Variants in SS18L1 observed in about 807,000 individuals in gnomAD.
SS18L1 encodes calcium-responsive transactivator.
A neutral mutation model predicts 70.3 loss-of-function variants in SS18L1; 32 were observed. That is an observed-to-expected ratio of 0.46 (90% CI 0.34 to 0.61). The LOEUF (loss-of-function observed/expected upper bound fraction) is 0.61. Ranked by LOEUF, SS18L1 falls within the 20% of genes least tolerant of loss-of-function variation. The pLI is 0.01. For synonymous variants in SS18L1, 237 were observed against 229.7 expected (o/e 1.03, Z -0.29); for missense variants, 430 against 542.1 (o/e 0.79, Z 2.05).
At position 62,165,529 on chromosome 20, in the gene SS18L1, TGCGTGCTGGGCTCGA is replaced by T. The variant is rs540023118; in HGVS notation, c.916+20_916+34del. 1 of 1,292,156 alleles carries T rather than the reference TGCGTGCTGGGCTCGA, an allele frequency of 7.7e-7. No individual in the cohort carries two copies. The highest frequency in any genetic ancestry group is 1.0e-6 in the Non-Finnish European group (1 of 971,218). 80.0% of individuals were successfully genotyped at this position (1,292,156 alleles called of 1,614,324 possible). On this transcript the variant is annotated intron_variant, in intron 8 of 10. Coordinates refer to ENST00000331758, the MANE Select transcript of SS18L1 (RefSeq NM_198935.3). The stretch of plus-strand genomic sequence containing the variant: ...CTATGAGGGGGGTAAGGAGCACGGC[TGCGTGCTGGGCTCGA>T]GCGTAAGCGCCACACGCAGCAGAGT...
intron 6 of SS18L1, 93 bp downstream of exon 6, chr20:62,163,715 G>A: frequency 1.4e-6 from 2 of 1,426,360 alleles, no homozygotes; most frequent in Non-Finnish European, 1.8e-6. Flanking sequence ...GGAGCCTGGG[G>A]GAGTGAGGCG....
intron 3 of SS18L1, 121 bp downstream of exon 3, chr20:62,160,082 A>AT: frequency 2.0e-6 from 2 of 980,334 alleles, no homozygotes; most frequent in Non-Finnish European, 3.0e-6. Flanking sequence ...CAAAAATACC[A>AT]CTAGAGCCAC....
intron 8 of SS18L1, among the ~76,000 whole-genome samples, chr20:62,170,821 A>G (rs543341100): frequency 2.0e-5 from 3 of 151,124 alleles, no homozygotes; most frequent in African/African-American, 4.9e-5. Flanking sequence ...CTGAGCTGGC[A>G]CTCTCACAGT....
rs1601027483 is a variant in SS18L1, at chr20:62,164,135, TC to T, written c.722-5del. ...GGCCCGCACTGGCGCTGAATGTGGT[TC>T]CCCCGCAGGCTCTTCCCAGCAGTAC... is the stretch of plus-strand genomic sequence containing the variant. On this transcript the variant is annotated splice_polypyrimidine_tract_variant and intron_variant, in intron 6 of 10. Transcript: ENST00000331758. 2 of 1,547,570 alleles carry T rather than the reference TC, an allele frequency of 1.3e-6. No homozygotes were observed. The highest frequency in any genetic ancestry group is 1.2e-5 in the South Asian group (1 of 83,758).
In SS18L1 at chr20:62,146,605, A is replaced by ATTTTTTTTTTTTTTTTTTT. The variant is rs10673768; in HGVS notation, c.69+2719_69+2737dup. Among the ~76,000 whole-genome samples, 127 of 79,718 alleles carry ATTTTTTTTTTTTTTTTTTT rather than the reference A, an allele frequency of 1.6e-3. 20 individuals carry two copies. The highest frequency in any genetic ancestry group is 3.0e-3 in the African/African-American group (57 of 19,190). The allele number at this position is 79,718 out of a possible 152,430, so 52.3% of individuals were successfully genotyped here. A position where few individuals can be genotyped will look rare whatever the true frequency, so the allele number is the denominator to read the frequency against. On this transcript the variant is annotated intron_variant, in intron 1 of 10. Transcript: ENST00000331758. The stretch of plus-strand genomic sequence containing the variant: ...CATCCAGCGTGTCTCTGCTTTGATC[A>ATTTTTTTTTTTTTTTTTTT]TTTTTTTTTTTTTTTTTTTTTGAGA...
At chr20:62,156,989 A>G (rs532259138) in intron 1 of SS18L1, among the ~76,000 whole-genome samples, 2 of 152,222 alleles carry the variant, frequency 1.3e-5, no homozygotes, top group Non-Finnish European at 2.9e-5. Context: ...CCCTGCAGAC[A>G]GAGGCAGCTG....
chr20:62,154,399 C>T (rs899333314), intron 1 of SS18L1: 11 of 1,047,256 alleles, frequency 1.1e-5, no homozygotes, highest in East Asian at 5.5e-5. Flanking sequence ...GCGGTTTCGG[C>T]GGACTAGAAT....
chr20:62,162,789 C>G lies in SS18L1; in HGVS notation c.414C>G (p.Asn138Lys). ...TGTCCATGCAGCAGACGGCGCCTAA[C>G]ACGCTGCCCACCACCTCCATGAGCA... Reference protein sequence around the residue: ...SHVSMQQTAPNTLPTTSMSIS... With the variant: ...SHVSMQQTAPKTLPTTSMSIS... The change falls in exon 5 of 11, where the codon AAC (asparagine) becomes AAG (lysine). Residue 138 changes from asparagine (N) to lysine (K), a missense_variant. Physicochemically the swap from Asn to Lys is moderately conservative, Grantham distance 94. Coordinates refer to ENST00000331758, the MANE Select transcript of SS18L1 (RefSeq NM_198935.3). 1 of 1,612,614 alleles carries G rather than the reference C, an allele frequency of 6.2e-7. No individual in the cohort carries two copies. Among genetic ancestry groups the G allele is most frequent in the Non-Finnish European group, 8.5e-7 (1 of 1,179,756 alleles).
At chr20:62,154,632 G>A (rs970870423) in intron 1 of SS18L1, among the ~76,000 whole-genome samples, 7 of 152,220 alleles carry the variant, frequency 4.6e-5, no homozygotes, top group African/African-American at 1.7e-4. Context: ...CATGTAGGAG[G>A]CTCCGTGCTG....
intron 4 of SS18L1, among the ~76,000 whole-genome samples, chr20:62,162,352 G>T (rs2057345194): frequency 6.6e-6 from 1 of 152,106 alleles, no homozygotes; most frequent in African/African-American, 2.4e-5. Context: ...CCAGGCTGGA[G>T]TGCAATGGGC....
chr20:62,145,474 A>T (rs1295926003), intron 1 of SS18L1, among the ~76,000 whole-genome samples: 1 of 152,244 alleles, frequency 6.6e-6, no homozygotes, highest in Admixed American at 6.5e-5. Flanking sequence ...AACCCAGAGC[A>T]TCTCCTGGCA....
chr20:62,164,308 G>A (rs73613549), intron 7 of SS18L1, 62 bp downstream of exon 7: 1 of 1,389,708 alleles, frequency 7.2e-7, no homozygotes, highest in Non-Finnish European at 9.8e-7. Flanking sequence ...GGGCAAGGAG[G>A]GCAAGGAGGG....
intron 7 of SS18L1, among the ~76,000 whole-genome samples, chr20:62,165,084 A>C (rs2057402921): frequency 6.6e-6 from 1 of 152,152 alleles, no homozygotes; most frequent in Non-Finnish European, 1.5e-5. Context: ...TAAGGGTTGG[A>C]CACCCCTGCC....
At chr20:62,164,319 C>T in intron 7 of SS18L1, 73 bp downstream of exon 7, 1 of 1,209,360 alleles carries the variant, frequency 8.3e-7, no homozygotes, top group Non-Finnish European at 1.1e-6. Context: ...GCAAGGAGGG[C>T]AAGGAGGGTG....
intron 1 of SS18L1, among the ~76,000 whole-genome samples, chr20:62,152,715 A>G (rs1225871502): frequency 6.6e-6 from 1 of 152,176 alleles, no homozygotes; most frequent in African/African-American, 2.4e-5. Context: ...TGGGCCCATC[A>G]CCAGCCCTGG....
Position 62,172,757 on chromosome 20 carries a change from A to G in SS18L1, c.992A>G (p.Gln331Arg). ...CAGCAGCAGACGTACTCCCAGCAGC[A>G]GTACCCCAGCCAGCAGAGCTACCCC... ...AAQQQTYSQQ[Q>R]YPSQQSYPGQ... The change falls in exon 9 of 11, where the codon CAG becomes CGG. Residue 331 changes from glutamine (Q) to arginine (R), a missense_variant. Physicochemically the swap from Gln to Arg is conservative, Grantham distance 43. Coordinates refer to ENST00000331758, the MANE Select transcript of SS18L1 (RefSeq NM_198935.3). 1.2e-6 allele frequency: 2 copies of G among 1,614,042 alleles called. No homozygotes were observed. The highest frequency in any genetic ancestry group is 1.3e-5 in the African/African-American group (1 of 75,044).
chr20:62,161,126 G>T lies in SS18L1; in HGVS notation c.232-310G>T, dbSNP rs866140122. 6.6e-6 allele frequency among the ~76,000 whole-genome samples: 1 copy of T among 151,658 alleles called. No individual in the cohort carries two copies. The highest frequency in any genetic ancestry group is 2.4e-5 in the African/African-American group (1 of 41,272). On this transcript the variant is annotated intron_variant, in intron 3 of 10. Transcript: ENST00000331758. The surrounding 1 kb of genome is among the most constrained non-coding windows in gnomAD (Gnocchi z 4.4). ...AGGGGGACGGGGTGCGTTCAGCCTG[G>T]TGGGCCGGGAAAGGGGTTCCCTGCT...
rs1279798929 is a variant in SS18L1 at position 62,174,791 on chromosome 20, A to G, written c.1164+147A>G. The G allele has an allele frequency of 1.3e-6, 2 of 1,547,936 alleles. No homozygotes were observed. The highest frequency in any genetic ancestry group is 2.7e-5 in the African/African-American group (2 of 73,196). ...CAGAACGTTAAGTCTCTGAGCCTGT[A>G]AGGTTTTGCAGAATTGCCTCTGTGT... On this transcript the variant is annotated intron_variant, in intron 10 of 10. Transcript: ENST00000331758. The surrounding 1 kb of genome is among the most constrained non-coding windows in gnomAD (Gnocchi z 4.1).
At chr20:62,171,308 G>A (rs2145775187) in intron 8 of SS18L1, among the ~76,000 whole-genome samples, 1 of 152,230 alleles carries the variant, frequency 6.6e-6, no homozygotes, top group South Asian at 2.1e-4. Flanking sequence ...ACTCCCCCAT[G>A]TCTCAGATGG....
Sources: allele counts gnomAD v4.1 joint callset (sites outside exome capture counted in the v4.1 genomes callset), GRCh38; gene constraint gnomAD v4.1.1; non-coding constraint Gnocchi (gnomAD v3.1); transcripts MANE v1.5; gene names NCBI Gene and HGNC (gene_info 2026-07-23, HGNC 2026-07-21).